NPHS2: variants seen among roughly 807,000 people sequenced by gnomAD.
NPHS2 encodes NPHS2 stomatin family member, podocin, also known as podocin.
Under a neutral mutation model 37.1 loss-of-function variants are expected in NPHS2, and 36 were observed. The observed-to-expected ratio is 0.97, with a 90% CI of 0.74 to 1.28. The LOEUF (loss-of-function observed/expected upper bound fraction) is 1.28, where lower values mean the gene tolerates loss of function less well. Ranked by LOEUF, NPHS2 falls within the 50% of genes most tolerant of loss-of-function variation. NPHS2 has a pLI of 0.00. For missense variants in NPHS2, 447 were observed against 488.1 expected (o/e 0.92, Z 0.79); for synonymous variants, 196 against 189.3 (o/e 1.04, Z -0.29).
intron 4 of NPHS2, 113 bp from the exon 5 acceptor site, chr1:179,557,343 G>GT (rs1385586108): frequency 4.8e-5 from 39 of 812,690 alleles, no homozygotes; most frequent in Non-Finnish European, 7.3e-5. Flanking sequence ...GAAAAATGGA[G>GT]TTGGCCTACC....
chr1:179,551,376 CA>C lies in NPHS2; in HGVS notation c.948del (p.Ala317LeufsTer31), dbSNP rs775170915. 67 of 1,613,950 alleles carry C rather than the reference CA, an allele frequency of 4.2e-5. No individual in the cohort carries two copies. The highest frequency in any genetic ancestry group is 5.3e-5 in the African/African-American group (4 of 74,908). ...RMAAEILSGTPAAVQLRYLHT... is the reference protein window; with the variant it reads ...RMAAEILSGTXAAVQLRYLHT... ...TGGAGGTATCGAAGCTGAACGGCAG[CA>C]GGGGTGCCTGACAGAATCTCAGCTG... On this transcript the variant is annotated frameshift_variant, in exon 8 of 8. Coordinates refer to ENST00000367615, the MANE Select transcript of NPHS2 (RefSeq NM_014625.4). LOFTEE classifies it high-confidence loss of function.
At chr1:179,568,755 T>C (rs1674431988) in intron 1 of NPHS2, among the ~76,000 whole-genome samples, 1 of 152,236 alleles carries the variant, frequency 6.6e-6, no homozygotes, top group Non-Finnish European at 1.5e-5. Flanking sequence ...GTTGTGTCTT[T>C]GTTCTCATTG....
At chr1:179,561,774 AT>A (rs1239659340) in intron 2 of NPHS2, among the ~76,000 whole-genome samples, 1 of 151,874 alleles carries the variant, frequency 6.6e-6, no homozygotes, top group African/African-American at 2.4e-5. Context: ...TCAGAGTGCA[AT>A]TTCTTCTGAG....
chr1:179,575,899 G>A lies in NPHS2; in HGVS notation c.-35C>T. 2.2e-6 allele frequency: 3 copies of A among 1,374,236 alleles called. No homozygotes were observed. The highest frequency in any genetic ancestry group is 2.8e-6 in the Non-Finnish European group (3 of 1,072,462). The allele number at this position is 1,374,236 out of a possible 1,614,324, so 85.1% of individuals were successfully genotyped here. A position where few individuals can be genotyped will look rare whatever the true frequency, so the allele number is the denominator to read the frequency against. The stretch of plus-strand genomic sequence containing the variant: ...TGCCGGGCGGCTGGAGCAGCAGCGC[G>A]GGAGCGCTAGGGGCACGGGAGCGCA... On this transcript the variant is annotated 5_prime_UTR_variant, in exon 1 of 8. Transcript: ENST00000367615.
At chr1:179,570,569 G>A (rs1473161717) in intron 1 of NPHS2, among the ~76,000 whole-genome samples, 4 of 152,152 alleles carry the variant, frequency 2.6e-5, no homozygotes, top group African/African-American at 7.2e-5. Flanking sequence ...CTTCATTCCC[G>A]TAGACACACA....
At chr1:179,564,561 G>T in intron 2 of NPHS2, 129 bp downstream of exon 2, 1 of 811,952 alleles carries the variant, frequency 1.2e-6, no homozygotes, top group East Asian at 2.6e-5. Context: ...TATCCTGGAA[G>T]GTGAGTCTGG....
chr1:179,553,719 A>G (rs1255799581), intron 6 of NPHS2, among the ~76,000 whole-genome samples: 1 of 152,102 alleles, frequency 6.6e-6, no homozygotes, highest in Non-Finnish European at 1.5e-5. Flanking sequence ...TACTAAAACC[A>G]CAGTTTAAAA....
intron 1 of NPHS2, among the ~76,000 whole-genome samples, chr1:179,567,323 T>C (rs892393778): frequency 6.6e-6 from 1 of 152,142 alleles, no homozygotes; most frequent in Non-Finnish European, 1.5e-5. Context: ...ATTCTCTTTG[T>C]AGCAATTGTG....
intron 5 of NPHS2, among the ~76,000 whole-genome samples, chr1:179,555,222 T>C (rs1673859114): frequency 6.6e-6 from 1 of 152,222 alleles, no homozygotes; most frequent in Non-Finnish European, 1.5e-5. Flanking sequence ...GTTACAGAAG[T>C]AATAGGAACT....
intron 1 of NPHS2, among the ~76,000 whole-genome samples, chr1:179,569,361 C>T (rs1558351743): frequency 6.6e-6 from 1 of 151,948 alleles, no homozygotes; most frequent in Admixed American, 6.6e-5. Flanking sequence ...ACTAGGATTG[C>T]AACCCCTGCT....
At chr1:179,551,511 T>G in intron 7 of NPHS2, 60 bp from the exon 8 acceptor site, 1 of 1,595,482 alleles carries the variant, frequency 6.3e-7, no homozygotes, top group Non-Finnish European at 8.6e-7. Flanking sequence ...GCTTCACCAC[T>G]ATGCAGTATG....
chr1:179,550,796 G>GA lies in NPHS2; in HGVS notation c.*376dup. The GA allele has an allele frequency of 3.2e-6, 1 of 309,026 alleles. No homozygotes were observed. The highest frequency in any genetic ancestry group is 6.3e-6 in the Non-Finnish European group (1 of 159,524). 19.1% of individuals were successfully genotyped at this position (309,026 alleles called of 1,614,324 possible). On this transcript the variant is annotated 3_prime_UTR_variant, in exon 8 of 8. Coordinates refer to ENST00000367615, the MANE Select transcript of NPHS2 (RefSeq NM_014625.4). ...CAAGCCCAATGATAGGTGCTTGTAG[G>GA]AAGGGCTGTGGGAGCTGTGGCAACC... is the stretch of plus-strand genomic sequence containing the variant.
intron 4 of NPHS2, among the ~76,000 whole-genome samples, chr1:179,558,275 T>A (rs1192661617): frequency 6.6e-6 from 1 of 152,120 alleles, no homozygotes; most frequent in African/African-American, 2.4e-5. Context: ...CATACTACTT[T>A]CAGTCTCTAT....
At chr1:179,567,550 C>A (rs1236739814) in intron 1 of NPHS2, among the ~76,000 whole-genome samples, 2 of 152,106 alleles carry the variant, frequency 1.3e-5, no homozygotes, top group East Asian at 1.9e-4. Flanking sequence ...TAACTGAATA[C>A]CCTTTATTTC....
At chr1:179,567,475 A>T (rs981938129) in intron 1 of NPHS2, among the ~76,000 whole-genome samples, 15 of 152,150 alleles carry the variant, frequency 9.9e-5, no homozygotes, top group African/African-American at 2.4e-4. Flanking sequence ...GGCTGAGATG[A>T]TGGGGTTTTC....
intron 3 of NPHS2, 22 bp downstream of exon 3, chr1:179,561,267 A>G (rs1488621364): frequency 6.3e-7 from 1 of 1,585,484 alleles, no homozygotes; most frequent in Non-Finnish European, 8.7e-7. Context: ...AGGTGTTTAG[A>G]AAAAAAAGAG....
chr1:179,554,740 G>A, intron 5 of NPHS2: 1 of 657,338 alleles, frequency 1.5e-6, no homozygotes, highest in Non-Finnish European at 2.7e-6. Flanking sequence ...ATTGAAGATG[G>A]TGTGGTATGC....
intron 1 of NPHS2, among the ~76,000 whole-genome samples, chr1:179,572,445 A>C (rs1180119304): frequency 6.6e-6 from 1 of 152,230 alleles, no homozygotes; most frequent in Non-Finnish European, 1.5e-5. Context: ...TAAATGAAAC[A>C]ATATCAAGGA....
At chr1:179,572,605 A>C (rs1025265457) in intron 1 of NPHS2, among the ~76,000 whole-genome samples, 4 of 152,228 alleles carry the variant, frequency 2.6e-5, no homozygotes, top group African/African-American at 9.6e-5. Flanking sequence ...ATTTAAATGT[A>C]AGAGTTATGA....
Sources: gnomAD v4.1 joint callset for allele counts (sites outside exome capture counted in the v4.1 genomes callset) on GRCh38, gnomAD v4.1.1 for gene constraint, MANE v1.5 for transcripts, NCBI Gene and HGNC (gene_info 2026-07-23, HGNC 2026-07-21) for gene names.